The following PPA1 variants were observed in gnomAD, a reference collection of about 807,000 sequenced individuals.
PPA1 encodes the protein inorganic pyrophosphatase 1, also known as inorganic pyrophosphatase.
In PPA1, 23 loss-of-function variants were observed where a neutral mutation model predicts 41.8. The observed-to-expected ratio is 0.55, with a 90% CI of 0.40 to 0.78. PPA1 has a LOEUF of 0.78. Among genes scored for constraint, PPA1 ranks in the 30% least tolerant of loss-of-function variants. PPA1 has a pLI of 0.00. For missense variants in PPA1, 320 were observed against 361.6 expected (o/e 0.89, Z 0.93); for synonymous variants, 101 against 116.8 (o/e 0.86, Z 0.87).
intron 2 of PPA1, among the ~76,000 whole-genome samples, chr10:70,220,878 AC>A (rs1840146689): frequency 2.9e-5 from 1 of 34,302 alleles, no homozygotes; most frequent in Non-Finnish European, 4.9e-5. Context: ...TATAATATAT[AC>A]TTTATATATA....
intron 2 of PPA1, among the ~76,000 whole-genome samples, chr10:70,223,634 G>C (rs1840199280): frequency 6.6e-6 from 1 of 152,118 alleles, no homozygotes; most frequent in Non-Finnish European, 1.5e-5. Flanking sequence ...GTGAACAACA[G>C]TGATATTTAG....
chr10:70,218,892 CA>C lies in PPA1; in HGVS notation c.124-76del, dbSNP rs1456944428. 14 of 1,019,986 alleles carry C rather than the reference CA, an allele frequency of 1.4e-5. No homozygotes were observed. The Admixed American group carries it at 2.3e-4, about 17-fold the overall frequency. 63.2% of individuals were successfully genotyped at this position (1,019,986 alleles called of 1,614,324 possible). A position where few individuals can be genotyped will look rare whatever the true frequency, so the allele number is the denominator to read the frequency against. On this transcript the variant is annotated intron_variant, in intron 2 of 10. Transcript: ENST00000373232. ...CTGAGGGAGCATGCACTATTTCTTC[CA>C]AAGTCAAACTGTTCATTGTATCAGA...
chr10:70,204,777 T>C (rs1322673937), intron 10 of PPA1, 96 bp downstream of exon 10: 1 of 1,001,254 alleles, frequency 1.0e-6, no homozygotes, highest in Non-Finnish European at 1.5e-6. Flanking sequence ...CCCATAAATA[T>C]ATTTAATTAT....
chr10:70,229,688 C>A (rs1372068869), intron 2 of PPA1, among the ~76,000 whole-genome samples: 1 of 152,204 alleles, frequency 6.6e-6, no homozygotes, highest in African/African-American at 2.4e-5. Context: ...AAAGATCCCA[C>A]AGCCAAAATT....
chr10:70,229,184 T>G (rs1210571297), intron 2 of PPA1, among the ~76,000 whole-genome samples: 1 of 152,236 alleles, frequency 6.6e-6, no homozygotes, highest in African/African-American at 2.4e-5. Flanking sequence ...AAAGTTGTTC[T>G]TATAACACAT....
At chr10:70,221,076 A>ATATATATATATATATTTT (rs1224550178) in intron 2 of PPA1, among the ~76,000 whole-genome samples, 1 of 40,050 alleles carries the variant, frequency 2.5e-5, no homozygotes, top group African/African-American at 2.0e-4. Context: ...ATATATATAT[A>ATATATATATATATATTTT]TTTTTTTTTT....
At position 70,233,346 on chromosome 10, in the gene PPA1, C is replaced by G. The variant is rs966795661; in HGVS notation, c.-19G>C. The G allele has an allele frequency of 2.3e-5, 35 of 1,532,824 alleles. No homozygotes were observed. The highest frequency in any genetic ancestry group is 3.0e-5 in the Non-Finnish European group (34 of 1,142,008). 95.0% of individuals were successfully genotyped at this position (1,532,824 alleles called of 1,614,324 possible). A position where few individuals can be genotyped will look rare whatever the true frequency, so the allele number is the denominator to read the frequency against. ...CGCTCATAGTGCCGGAGTCCTGCCG[C>G]CGCCGCTGCCACAGAGCCACCAGCC... On this transcript the variant is annotated 5_prime_UTR_variant, in exon 1 of 11. Coordinates refer to ENST00000373232, the MANE Select transcript of PPA1 (RefSeq NM_021129.4).
intron 2 of PPA1, among the ~76,000 whole-genome samples, chr10:70,225,793 C>T (rs1840223874): frequency 1.3e-5 from 2 of 152,044 alleles, no homozygotes; most frequent in African/African-American, 2.4e-5. Flanking sequence ...TCCAAGAATA[C>T]TTTATCTTAT....
chr10:70,229,221 TAAA>T (rs1020205311), intron 2 of PPA1, among the ~76,000 whole-genome samples: 4 of 152,172 alleles, frequency 2.6e-5, no homozygotes, highest in African/African-American at 9.7e-5. Flanking sequence ...TTAGACAATA[TAAA>T]AAGACAAAAA....
In PPA1 at chr10:70,209,703, A is replaced by G; in HGVS notation, c.512-18T>C. The G allele has an allele frequency of 1.3e-6, 2 of 1,568,792 alleles. No homozygotes were observed. The highest frequency in any genetic ancestry group is 1.7e-6 in the Non-Finnish European group (2 of 1,153,034). On this transcript the variant is annotated intron_variant, in intron 6 of 10. Coordinates refer to ENST00000373232, the MANE Select transcript of PPA1 (RefSeq NM_021129.4). ...ATTGATATCTAAGAAGAGAAGAAGC[A>G]TAAGATGACAGTGAGAATGATTTTT...
At chr10:70,211,442 T>C (rs1016729215) in intron 6 of PPA1, among the ~76,000 whole-genome samples, 1 of 152,194 alleles carries the variant, frequency 6.6e-6, no homozygotes, top group Non-Finnish European at 1.5e-5. Context: ...CTATCAGCTA[T>C]AAATTAGGGG....
At chr10:70,203,369 A>G (rs1239051944) in intron 10 of PPA1, among the ~76,000 whole-genome samples, 183 bp from the exon 11 acceptor site, 1 of 152,114 alleles carries the variant, frequency 6.6e-6, no homozygotes, top group Non-Finnish European at 1.5e-5. Flanking sequence ...GGGCTTCCTT[A>G]CACTTCATGC....
intron 1 of PPA1, among the ~76,000 whole-genome samples, chr10:70,232,386 G>A (rs956471548): frequency 6.6e-6 from 1 of 152,110 alleles, no homozygotes; most frequent in African/African-American, 2.4e-5. Context: ...TGGGGGTGGG[G>A]GGAGTAAGAG....
At position 70,206,299 on chromosome 10, in the gene PPA1, A is replaced by C. The variant is rs754164397; in HGVS notation, c.760T>G (p.Cys254Gly). The C allele has an allele frequency of 2.5e-6, 4 of 1,613,590 alleles. No homozygotes were observed. Among genetic ancestry groups the C allele is most frequent in the Non-Finnish European group, 1.7e-6 (2 of 1,179,568 alleles). The change falls in exon 9 of 11, where the codon TGT (cysteine) becomes GGT (glycine). Residue 254 changes from cysteine (C) to glycine (G), a missense_variant. Cys to Gly is a radical substitution (Grantham distance 159, BLOSUM62 -3). Transcript: ENST00000373232. ...NTTLSESPFK[C>G]DPDAARAIVD... is the part of the protein sequence containing the mutation. ...ATGGCTCTGGCAGCATCAGGATCACACTTGAAGGGGCTCTCAGACAAAGTT... is the reference window on the plus strand; with the variant it reads ...ATGGCTCTGGCAGCATCAGGATCACCCTTGAAGGGGCTCTCAGACAAAGTT...
At chr10:70,214,464 C>A in intron 5 of PPA1, 36 bp downstream of exon 5, 1 of 1,543,598 alleles carries the variant, frequency 6.5e-7, no homozygotes, top group African/African-American at 1.4e-5. Context: ...TCATTAATAT[C>A]TCAACACTAA....
intron 2 of PPA1, among the ~76,000 whole-genome samples, chr10:70,219,391 A>G (rs1251765889): frequency 6.6e-6 from 1 of 152,210 alleles, no homozygotes; most frequent in African/African-American, 2.4e-5. Flanking sequence ...GAGACACTGC[A>G]ATTACTCAAA....
chr10:70,206,191 C>G, intron 9 of PPA1, 73 bp downstream of exon 9: 360 of 1,134,352 alleles, frequency 3.2e-4, no homozygotes, highest in Non-Finnish European at 4.3e-4. Flanking sequence ...GAAACAAGTA[C>G]TTCCTCTCCC....
At chr10:70,231,291 G>A (rs1238862221) in intron 1 of PPA1, among the ~76,000 whole-genome samples, 1 of 152,234 alleles carries the variant, frequency 6.6e-6, no homozygotes, top group Non-Finnish European at 1.5e-5. Context: ...TGGAGGCCAG[G>A]CACGGTGGCT....
chr10:70,213,663 G>A, intron 5 of PPA1, 74 bp from the exon 6 acceptor site: 2 of 1,486,060 alleles, frequency 1.3e-6, no homozygotes, highest in South Asian at 1.4e-5. Context: ...TTGGCTAACA[G>A]GAAATAAGAA....
Sources: gnomAD v4.1 joint callset for allele counts (sites outside exome capture counted in the v4.1 genomes callset) on GRCh38, gnomAD v4.1.1 for gene constraint, MANE v1.5 for transcripts, NCBI Gene and HGNC (gene_info 2026-07-23, HGNC 2026-07-21) for gene names.